CRISPLD2: variants seen among roughly 807,000 people sequenced by gnomAD.
The protein encoded by CRISPLD2 is cysteine rich secretory protein LCCL domain containing 2.
CRISPLD2 carries 47 observed loss-of-function variants against 71.1 expected under a neutral mutation model. That is an observed-to-expected ratio of 0.66 (90% confidence interval 0.52 to 0.84). The LOEUF (loss-of-function observed/expected upper bound fraction) is 0.84. CRISPLD2 is among the 40% of genes least tolerant of loss of function. CRISPLD2 has a pLI of 0.00. For synonymous variants in CRISPLD2, 317 were observed against 250.1 expected (o/e 1.27, Z -2.52); for missense variants, 830 against 651.1 (o/e 1.27, Z -2.99).
chr16:84,900,163 G>T (rs181141955), intron 14 of CRISPLD2, among the ~76,000 whole-genome samples: 4 of 152,202 alleles, frequency 2.6e-5, no homozygotes, highest in Admixed American at 2.6e-4. Context: ...TTTCTTTGCA[G>T]CTCCATCTCT....
At chr16:84,894,550 A>C (rs1211602754) in intron 14 of CRISPLD2, among the ~76,000 whole-genome samples, 1 of 152,148 alleles carries the variant, frequency 6.6e-6, no homozygotes, top group African/African-American at 2.4e-5. Context: ...CTGTCCTCAT[A>C]GGGGTGTGGT....
intron 12 of CRISPLD2, among the ~76,000 whole-genome samples, chr16:84,878,326 C>T (rs2071539127): frequency 2.6e-5 from 4 of 152,206 alleles, no homozygotes; most frequent in Admixed American, 2.6e-4. Context: ...GTCATTACTG[C>T]TCTGGTGGCC....
At chr16:84,891,396 C>T (rs1248479072) in intron 14 of CRISPLD2, among the ~76,000 whole-genome samples, 1 of 152,148 alleles carries the variant, frequency 6.6e-6, no homozygotes, top group Non-Finnish European at 1.5e-5. Context: ...CCCATTCTTC[C>T]CGGGACCCCT....
intron 2 of CRISPLD2, chr16:84,839,134 G>A: frequency 2.8e-6 from 1 of 362,916 alleles, no homozygotes; most frequent in Admixed American, 3.7e-5. Context: ...CAATCCTCCT[G>A]CCTCAGCCTC....
intron 11 of CRISPLD2, among the ~76,000 whole-genome samples, chr16:84,875,134 C>T (rs990701180): frequency 3.3e-5 from 5 of 151,972 alleles, no homozygotes; most frequent in Admixed American, 6.6e-5. Flanking sequence ...TCAGCTACTT[C>T]GGAGTCTGAG....
At chr16:84,853,528 C>A (rs570385583) in intron 5 of CRISPLD2, among the ~76,000 whole-genome samples, 113 of 152,328 alleles carry the variant, frequency 7.4e-4, no homozygotes, top group African/African-American at 2.6e-3. Flanking sequence ...CACTGTCCCT[C>A]CCCTGCCCAC....
Position 84,838,751 on chromosome 16 carries a change from G to A in CRISPLD2, c.240+16G>A, listed in dbSNP as rs576094126. ...GGAGTACATGGTGAGCGCCGGCTCC[G>A]GCCGCAGAGGCTGGCACCGGGGGTG... On this transcript the variant is annotated intron_variant, in intron 2 of 14. Coordinates refer to ENST00000262424, the MANE Select transcript of CRISPLD2 (RefSeq NM_031476.4). 43 of 1,605,306 alleles carry A rather than the reference G, an allele frequency of 2.7e-5. No individual in the cohort carries two copies. The highest frequency in any genetic ancestry group is 2.5e-4 in the East Asian group (11 of 44,600).
chr16:84,871,447 G>C (rs891384531), intron 8 of CRISPLD2, among the ~76,000 whole-genome samples: 2 of 152,186 alleles, frequency 1.3e-5, no homozygotes, highest in African/African-American at 4.8e-5. Flanking sequence ...ACTGAGGTGG[G>C]AGGATCACCT....
At chr16:84,861,071 G>A (rs888924087) in intron 6 of CRISPLD2, among the ~76,000 whole-genome samples, 12 of 152,120 alleles carry the variant, frequency 7.9e-5, no homozygotes, top group Non-Finnish European at 1.5e-4. Flanking sequence ...TCTCAGGAGC[G>A]CTGAATCAGG....
At chr16:84,838,976 A>T (rs1916701911) in intron 2 of CRISPLD2, 2 of 656,674 alleles carry the variant, frequency 3.0e-6, no homozygotes, top group South Asian at 3.1e-5. Flanking sequence ...GAAACCTTAG[A>T]CTCCCGGGGT....
Position 84,909,426 on chromosome 16 carries a change from C to T in CRISPLD2, c.*2784C>T, listed in dbSNP as rs184881371. 12 of 152,790 alleles carry T rather than the reference C, an allele frequency of 7.9e-5. No individual in the cohort carries two copies. Among genetic ancestry groups the T allele is most frequent in the African/African-American group, 2.9e-4 (12 of 41,584 alleles). The allele number at this position is 152,790 out of a possible 1,614,324, so 9.5% of individuals were successfully genotyped here. A position where few individuals can be genotyped will look rare whatever the true frequency, so the allele number is the denominator to read the frequency against. On this transcript the variant is annotated 3_prime_UTR_variant, in exon 15 of 15. Coordinates refer to ENST00000262424, the MANE Select transcript of CRISPLD2 (RefSeq NM_031476.4). ...CGTTGTTGCAATTGTTTCAGTAGAA[C>T]TGGTTTGATTTCTAAAATGTTCCTG...
chr16:84,849,212 GC>G (rs1295525977), intron 3 of CRISPLD2, 172 bp from the exon 4 acceptor site: 1 of 629,236 alleles, frequency 1.6e-6, no homozygotes, highest in Non-Finnish European at 2.7e-6. Flanking sequence ...GGAATTGGGG[GC>G]TATTCCGCCT....
intron 6 of CRISPLD2, among the ~76,000 whole-genome samples, chr16:84,858,971 A>C (rs558879884): frequency 1.3e-5 from 2 of 152,160 alleles, no homozygotes; most frequent in Non-Finnish European, 2.9e-5. Context: ...GCACAGGCCA[A>C]ATGGGAGAGT....
chr16:84,830,905 C>G (rs1036046472), intron 1 of CRISPLD2, among the ~76,000 whole-genome samples: 2 of 152,160 alleles, frequency 1.3e-5, no homozygotes, highest in African/African-American at 4.8e-5. Context: ...GGTGACTTCA[C>G]ACTGGTTGCT....
chr16:84,879,392 C>T (rs1431229217), intron 12 of CRISPLD2, among the ~76,000 whole-genome samples: 7 of 140,408 alleles, frequency 5.0e-5, no homozygotes, highest in African/African-American at 7.9e-5. Flanking sequence ...GACTGAGCTT[C>T]GCTCTTGTTG....
chr16:84,854,511 C>T (rs976769441), intron 5 of CRISPLD2, among the ~76,000 whole-genome samples: 1 of 152,164 alleles, frequency 6.6e-6, no homozygotes, highest in African/African-American at 2.4e-5. Flanking sequence ...TCTTGTAGCT[C>T]CCTTCTGCAG....
chr16:84,880,837 C>T (rs1226312236), intron 13 of CRISPLD2: 1 of 316,244 alleles, frequency 3.2e-6, no homozygotes, highest in Non-Finnish European at 6.0e-6. Context: ...TGCCAAGTAG[C>T]TGGGGTTACA....
intron 13 of CRISPLD2, among the ~76,000 whole-genome samples, chr16:84,884,867 C>G (rs1355394554): frequency 3.9e-5 from 6 of 152,186 alleles, no homozygotes; most frequent in East Asian, 1.9e-4. Context: ...CTTGGCAGCT[C>G]TCAACCAGGA....
intron 14 of CRISPLD2, among the ~76,000 whole-genome samples, chr16:84,894,289 G>C (rs1253760968): frequency 6.6e-6 from 1 of 152,156 alleles, no homozygotes; most frequent in Admixed American, 6.5e-5. Context: ...CGGACATCTG[G>C]GTGAATGTCA....
Sources: allele counts gnomAD v4.1 joint callset (sites outside exome capture counted in the v4.1 genomes callset), GRCh38; gene constraint gnomAD v4.1.1; transcripts MANE v1.5; gene names NCBI Gene and HGNC (gene_info 2026-07-23, HGNC 2026-07-21).